The following SHANK2 variants were observed in gnomAD, a reference collection of about 807,000 sequenced individuals.
SHANK2 encodes SH3 and multiple ankyrin repeat domains 2, also known as SH3 and multiple ankyrin repeat domains protein 2.
SHANK2 carries 43 observed loss-of-function variants against 133.7 expected under a neutral mutation model. The observed-to-expected ratio is 0.32, with a 90% CI of 0.25 to 0.41. SHANK2 has a LOEUF of 0.41. Among genes scored for constraint, SHANK2 ranks in the 10% least tolerant of loss-of-function variants. The pLI is 1.00. For missense variants in SHANK2, 1,994 were observed against 2,235.8 expected, an observed-to-expected ratio of 0.89 and a Z score of 2.18; for synonymous variants, 1,017 against 952.8, an observed-to-expected ratio of 1.07 and a Z score of -1.24.
At chr11:71,249,406 G>A (rs1591052096) in intron 1 of SHANK2, among the ~76,000 whole-genome samples, 1 of 152,294 alleles carries the variant, frequency 6.6e-6, no homozygotes, top group East Asian at 1.9e-4. Context: ...CCAGTTACAG[G>A]AGAAGTGGAG....
chr11:70,718,627 C>T (rs895955413), intron 14 of SHANK2, among the ~76,000 whole-genome samples: 2 of 151,794 alleles, frequency 1.3e-5, no homozygotes, highest in Admixed American at 1.3e-4. Flanking sequence ...CCAATCGGTA[C>T]GTCCCGTGAG....
At chr11:70,934,897 G>A (rs907209966) in intron 10 of SHANK2, among the ~76,000 whole-genome samples, 3 of 152,086 alleles carry the variant, frequency 2.0e-5, no homozygotes, top group East Asian at 1.9e-4. Flanking sequence ...CATTTTGCCG[G>A]GGACCGCGAT....
At chr11:70,779,660 G>T (rs1000133166) in intron 14 of SHANK2, among the ~76,000 whole-genome samples, 1 of 152,146 alleles carries the variant, frequency 6.6e-6, no homozygotes, top group East Asian at 1.9e-4. Context: ...ACATCCTTGG[G>T]AGGGCATTCC....
rs187292027 is a variant in SHANK2 at position 71,092,615 on chromosome 11, C to T, written c.745-26G>A. ...CTAGGAAAAAAAAATTGAAAGCCGTCGTTATTGGTCTCATGACCCCTTTTG... is the reference window on the plus strand; with the variant it reads ...CTAGGAAAAAAAAATTGAAAGCCGTTGTTATTGGTCTCATGACCCCTTTTG... On this transcript the variant is annotated intron_variant, in intron 7 of 25. Coordinates refer to ENST00000601538, the MANE Select transcript of SHANK2 (RefSeq NM_012309.5). The T allele has an allele frequency of 2.8e-3, 4,393 of 1,548,416 alleles. 7 individuals carry two copies. Among genetic ancestry groups the T allele is most frequent in the Non-Finnish European group, 3.6e-3 (4,087 of 1,144,788 alleles).
At chr11:70,590,454 G>A (rs1278860496) in intron 17 of SHANK2, among the ~76,000 whole-genome samples, 1 of 152,190 alleles carries the variant, frequency 6.6e-6, no homozygotes, top group Non-Finnish European at 1.5e-5. Context: ...AAACAGCATT[G>A]CATGCTACAG....
chr11:71,104,600 A>G lies in SHANK2; in HGVS notation c.592+5341T>C, dbSNP rs115136243. 5.4e-3 allele frequency among the ~76,000 whole-genome samples: 827 copies of G among 152,236 alleles called. 5 individuals are homozygous for G. The highest frequency in any genetic ancestry group is 0.018 in the African/African-American group (766 of 41,524). On this transcript the variant is annotated intron_variant, in intron 6 of 25. Coordinates refer to ENST00000601538, the MANE Select transcript of SHANK2 (RefSeq NM_012309.5). ...TCCATGTGTGCCTGAGGGTTGCTAT[A>G]AGCCATTGTGCTGGAATTACCCGCA...
chr11:70,561,395 G>A (rs568996471), intron 17 of SHANK2, among the ~76,000 whole-genome samples: 4 of 151,710 alleles, frequency 2.6e-5, no homozygotes, highest in East Asian at 2.0e-4. Context: ...TCAAGTGATC[G>A]CCCAGCTTGG....
At chr11:70,659,474 C>T (rs1301437033) in intron 17 of SHANK2, among the ~76,000 whole-genome samples, 2 of 152,202 alleles carry the variant, frequency 1.3e-5, no homozygotes. Flanking sequence ...GGGACGATGA[C>T]TCCTCTTGGT....
rs576557483 is a variant in SHANK2, at chr11:70,564,778, T to C, written c.2062-61847A>G. Among the ~76,000 whole-genome samples the C allele has an allele frequency of 5.9e-5, 9 of 152,338 alleles. No individual in the cohort carries two copies. In the South Asian group the frequency reaches 1.9e-3, roughly 32 times the overall value. ...AACATTTAATCTACCCTCGATCTCA[T>C]CCTGTGTATCCGTCATCTCAGACAC... On this transcript the variant is annotated intron_variant, in intron 17 of 25. Transcript: ENST00000601538.
intron 25 of SHANK2, chr11:70,477,582 A>C (rs1464620567): frequency 2.0e-5 from 3 of 152,148 alleles, no homozygotes; most frequent in African/African-American, 7.2e-5. Flanking sequence ...CAGGTGCCTG[A>C]ACTGTCTTTC....
At chr11:70,945,152 T>C (rs369774707) in intron 10 of SHANK2, among the ~76,000 whole-genome samples, 4 of 152,036 alleles carry the variant, frequency 2.6e-5, no homozygotes, top group East Asian at 3.9e-4. Context: ...GGGATGGAAA[T>C]TGTGTATGGG....
At chr11:70,545,664 A>C (rs975557841) in intron 17 of SHANK2, among the ~76,000 whole-genome samples, 1 of 152,188 alleles carries the variant, frequency 6.6e-6, no homozygotes, top group Non-Finnish European at 1.5e-5. Flanking sequence ...CACCAAATAC[A>C]TCATTCCAAC....
At chr11:71,232,340 G>A (rs151226472) in intron 1 of SHANK2, among the ~76,000 whole-genome samples, 86 of 152,246 alleles carry the variant, frequency 5.6e-4, no homozygotes, top group African/African-American at 1.8e-3. Flanking sequence ...CAATACTATC[G>A]TACTGACCCA....
chr11:70,630,460 T>C (rs1229702907), intron 17 of SHANK2, among the ~76,000 whole-genome samples: 5 of 152,280 alleles, frequency 3.3e-5, no homozygotes, highest in Non-Finnish European at 7.4e-5. Context: ...AAAGAGACGG[T>C]AGTGGTTGAA....
intron 1 of SHANK2, among the ~76,000 whole-genome samples, chr11:71,241,477 A>T (rs1954891818): frequency 6.6e-6 from 1 of 152,172 alleles, no homozygotes; most frequent in Non-Finnish European, 1.5e-5. Context: ...TGCATATGAG[A>T]TCAGCAAATG....
intron 2 of SHANK2, among the ~76,000 whole-genome samples, chr11:71,207,109 GAAAAA>G (rs201226063): frequency 2.3e-5 from 2 of 87,570 alleles, no homozygotes; most frequent in African/African-American, 9.2e-5. Context: ...GAAAAGAAAA[GAAAAA>G]AAAATCATGG....
intron 12 of SHANK2, among the ~76,000 whole-genome samples, chr11:70,810,583 G>A (rs1034283446): frequency 6.6e-6 from 1 of 152,218 alleles, no homozygotes; most frequent in Non-Finnish European, 1.5e-5. Context: ...CAAGGCTGGC[G>A]GCCATCATGG....
At chr11:70,810,558 G>A (rs904553235) in intron 12 of SHANK2, among the ~76,000 whole-genome samples, 1 of 152,200 alleles carries the variant, frequency 6.6e-6, no homozygotes, top group African/African-American at 2.4e-5. Flanking sequence ...CATCTGCCCC[G>A]AGTGATGAAG....
At chr11:70,760,538 A>G (rs1555039960) in intron 14 of SHANK2, among the ~76,000 whole-genome samples, 1 of 152,256 alleles carries the variant, frequency 6.6e-6, no homozygotes, top group Non-Finnish European at 1.5e-5. Context: ...TATTTTCCAA[A>G]TAAGGTCTGA....
Sources: allele counts gnomAD v4.1 joint callset (sites outside exome capture counted in the v4.1 genomes callset), GRCh38; gene constraint gnomAD v4.1.1; transcripts MANE v1.5; gene names NCBI Gene and HGNC (gene_info 2026-07-23, HGNC 2026-07-21).